REDIC1: variants seen among roughly 807,000 people sequenced by gnomAD.
The protein encoded by REDIC1 is regulator of DNA class I crossover intermediates 1.
the REDIC1 span, chr12:39,829,767 G>T: frequency 1.1e-5 from 3 of 262,500 alleles, no homozygotes; most frequent in Non-Finnish European, 2.2e-5. Flanking sequence ...TAAAAGCTTG[G>T]GAGTTTGGAA....
the REDIC1 span, among the ~76,000 whole-genome samples, chr12:39,730,126 T>C: frequency 6.6e-6 from 1 of 152,216 alleles, no homozygotes; most frequent in Admixed American, 6.5e-5. Context: ...TGCCAGTCTG[T>C]GTCTTTTAAT....
At chr12:39,663,911 CTT>C in the REDIC1 span, among the ~76,000 whole-genome samples, 1 of 151,726 alleles carries the variant, frequency 6.6e-6, no homozygotes, top group Non-Finnish European at 1.5e-5. Context: ...TTTTATTTCT[CTT>C]TCATTTTTGA....
chr12:39,802,478 C>A, the REDIC1 span: 1 of 152,012 alleles, frequency 6.6e-6, no homozygotes, highest in Non-Finnish European at 1.5e-5. Flanking sequence ...TAGGCAAGGG[C>A]CACTTCATAC....
chr12:39,821,409 C>CA, the REDIC1 span, among the ~76,000 whole-genome samples: 2,993 of 144,020 alleles, frequency 0.021, 65 homozygotes, highest in African/African-American at 0.052. Flanking sequence ...GACTCCGTCT[C>CA]AAAAAAAAAA....
chr12:39,684,474 A>T, the REDIC1 span, among the ~76,000 whole-genome samples: 1 of 152,346 alleles, frequency 6.6e-6, no homozygotes, highest in African/African-American at 2.4e-5. Flanking sequence ...TTGGCACTAC[A>T]AATTAATTAA....
At chr12:39,811,683 ATGTCT>A in the REDIC1 span, among the ~76,000 whole-genome samples, 2 of 152,168 alleles carry the variant, frequency 1.3e-5, no homozygotes, top group African/African-American at 4.8e-5. Flanking sequence ...TAAGAATTGT[ATGTCT>A]TGATGAATTG....
chr12:39,844,571 ATAAT>A, the REDIC1 span, among the ~76,000 whole-genome samples: 1 of 152,076 alleles, frequency 6.6e-6, no homozygotes, highest in South Asian at 2.1e-4. Context: ...TAAAATATAA[ATAAT>A]TAATCAAGAA....
At chr12:39,674,159 T>C in the REDIC1 span, among the ~76,000 whole-genome samples, 1 of 152,210 alleles carries the variant, frequency 6.6e-6, no homozygotes, top group Admixed American at 6.5e-5. Context: ...TGCCTTAATT[T>C]TTCTCAAGCA....
chr12:39,841,155 A>G, the REDIC1 span, among the ~76,000 whole-genome samples: 55 of 152,266 alleles, frequency 3.6e-4, no homozygotes, highest in Middle Eastern at 3.4e-3. Flanking sequence ...AAAATTTTAT[A>G]GTAGTGAGGT....
the REDIC1 span, among the ~76,000 whole-genome samples, chr12:39,753,801 C>G: frequency 6.6e-6 from 1 of 152,182 alleles, no homozygotes; most frequent in Non-Finnish European, 1.5e-5. Flanking sequence ...ATAACCTTCA[C>G]TACACACAAG....
chr12:39,896,002 A>G, the REDIC1 span, among the ~76,000 whole-genome samples: 2 of 134,302 alleles, frequency 1.5e-5, no homozygotes, highest in African/African-American at 5.7e-5. Flanking sequence ...ATATGTGTAT[A>G]TATACATGTG....
At chr12:39,696,996 T>A in the REDIC1 span, among the ~76,000 whole-genome samples, 3 of 151,902 alleles carry the variant, frequency 2.0e-5, no homozygotes, top group Non-Finnish European at 4.4e-5. Context: ...GAGAAACATA[T>A]CAATATCCAA....
the REDIC1 span, among the ~76,000 whole-genome samples, chr12:39,704,585 G>T: frequency 5.1e-4 from 78 of 151,732 alleles, no homozygotes; most frequent in South Asian, 9.8e-3. Flanking sequence ...TATACCCAAA[G>T]GACTATAAAT....
the REDIC1 span, among the ~76,000 whole-genome samples, chr12:39,703,989 GCATTAC>G: frequency 6.6e-6 from 1 of 152,120 alleles, no homozygotes; most frequent in Non-Finnish European, 1.5e-5. Context: ...GAAAGCCTAG[GCATTAC>G]CATTCAGGAC....
At chr12:39,766,951 G>T in the REDIC1 span, among the ~76,000 whole-genome samples, 1 of 152,004 alleles carries the variant, frequency 6.6e-6, no homozygotes, top group Admixed American at 6.6e-5. Flanking sequence ...CATCCATAAA[G>T]GTTGGAACAA....
At chr12:39,792,306 C>T in the REDIC1 span, among the ~76,000 whole-genome samples, 3 of 149,596 alleles carry the variant, frequency 2.0e-5, 1 homozygote, top group South Asian at 4.4e-4. Context: ...ATTCAGGACA[C>T]AGGCGTGGGC....
the REDIC1 span, among the ~76,000 whole-genome samples, chr12:39,847,752 T>C: frequency 5.8e-4 from 89 of 152,272 alleles, 1 homozygote; most frequent in African/African-American, 2.1e-3. Context: ...TTTTGGGTTC[T>C]TCTGTAATAT....
chr12:39,670,925 A>G, the REDIC1 span, among the ~76,000 whole-genome samples: 4 of 151,648 alleles, frequency 2.6e-5, no homozygotes, highest in Non-Finnish European at 5.9e-5. Context: ...TTTCTCATTT[A>G]TATTCTAAAT....
At chr12:39,736,016 T>C in the REDIC1 span, among the ~76,000 whole-genome samples, 2 of 152,206 alleles carry the variant, frequency 1.3e-5, no homozygotes, top group Non-Finnish European at 2.9e-5. Flanking sequence ...AAGAGAGCTT[T>C]GGATTTCTGA....
Sources: allele counts gnomAD v4.1 joint callset (sites outside exome capture counted in the v4.1 genomes callset), GRCh38; gene constraint gnomAD v4.1.1; transcripts MANE v1.5; gene names NCBI Gene and HGNC (gene_info 2026-07-23, HGNC 2026-07-21).